Variants in IKBKB observed in about 807,000 individuals in gnomAD.
The protein encoded by IKBKB is inhibitor of nuclear factor kappa B kinase subunit beta.
In IKBKB, 42 loss-of-function variants were observed where a neutral mutation model predicts 113.6. The observed-to-expected ratio is 0.37, with a 90% CI of 0.29 to 0.48. IKBKB has a LOEUF of 0.48. IKBKB is among the 20% of genes least tolerant of loss of function. The pLI is 0.99. For synonymous variants in IKBKB, 296 were observed against 361.3 expected (o/e 0.82, Z 2.05); for missense variants, 673 against 939.7 (o/e 0.72, Z 3.71).
chr8:42,273,368 T>TCAC, intron 2 of IKBKB, among the ~76,000 whole-genome samples: 2 of 151,718 alleles, frequency 1.3e-5, no homozygotes, highest in Non-Finnish European at 2.9e-5. Context: ...TGAGCCGAGA[T>TCAC]AGTGTCACTG....
chr8:42,278,392 C>T (rs1585529878), intron 2 of IKBKB, among the ~76,000 whole-genome samples: 3 of 152,046 alleles, frequency 2.0e-5, no homozygotes, highest in Non-Finnish European at 4.4e-5. Context: ...TAGAGGGAGG[C>T]GCTGTGCCCA....
intron 16 of IKBKB, 32 bp downstream of exon 16, chr8:42,320,876 C>A: frequency 7.2e-7 from 1 of 1,392,834 alleles, no homozygotes; most frequent in Non-Finnish European, 9.9e-7. Context: ...CCTCTGTGCC[C>A]AGCACACACA....
At chr8:42,319,451 G>C (rs1363765252) in intron 14 of IKBKB, 30 bp downstream of exon 14, 2 of 1,613,614 alleles carry the variant, frequency 1.2e-6, no homozygotes, top group Non-Finnish European at 1.7e-6. Flanking sequence ...TGAGTTTAAA[G>C]ACACCATTTT....
At position 42,317,813 on chromosome 8, in the gene IKBKB, T is replaced by C. The variant is rs183057461; in HGVS notation, c.1240+42T>C. ...TTTTGTTTTTCTAAATAATCCGTTA[T>C]AATATGTGGGACAAGGCAGGGAAGG... On this transcript the variant is annotated intron_variant, in intron 12 of 21. Transcript: ENST00000520810. 2,428 of 1,401,398 alleles carry C rather than the reference T, an allele frequency of 1.7e-3. 5 individuals carry two copies. The highest frequency in any genetic ancestry group is 1.9e-3 in the Non-Finnish European group (1,915 of 986,356). 86.8% of individuals were successfully genotyped at this position (1,401,398 alleles called of 1,614,324 possible). A position where few individuals can be genotyped will look rare whatever the true frequency, so the allele number is the denominator to read the frequency against.
intron 2 of IKBKB, among the ~76,000 whole-genome samples, chr8:42,282,837 G>A (rs957461755): frequency 9.9e-5 from 15 of 152,190 alleles, no homozygotes; most frequent in Admixed American, 3.9e-4. Context: ...GAAAAACTGG[G>A]AATATTTCGG....
Position 42,319,408 on chromosome 8 carries a change from C to T in IKBKB, c.1503C>T (p.Thr501=), listed in dbSNP as rs199971674. Residue 501 remains threonine (T), a synonymous_variant, in exon 14 of 22, where the codon ACC becomes ACT. Coordinates refer to ENST00000520810, the MANE Select transcript of IKBKB (RefSeq NM_001556.3). ...ACCTGGAGAAGTACAGCGAGCAAAC[C>T]GAGTTTGGGATCAGTGAGTGTGCAC... ...QIDLEKYSEQ[T]EFGITSDKLL... 5.6e-6 allele frequency: 9 copies of T among 1,614,004 alleles called. No homozygotes were observed. The Admixed American group carries it at 1.3e-4, about 24-fold the overall frequency.
Position 42,306,288 on chromosome 8 carries a change from G to A in IKBKB, c.478-55G>A, listed in dbSNP as rs374479575. ...CTAACACCAGGCAGTCAGAATCCTC[G>A]TAGAAGGACATTGTGTTCTTATAAC... On this transcript the variant is annotated intron_variant, in intron 6 of 21. Coordinates refer to ENST00000520810, the MANE Select transcript of IKBKB (RefSeq NM_001556.3). The A allele has an allele frequency of 9.4e-4, 1,056 of 1,125,450 alleles. 8 individuals carry two copies. In the African/African-American group the frequency reaches 0.014, roughly 15 times the overall value. The allele number at this position is 1,125,450 out of a possible 1,614,324, so 69.7% of individuals were successfully genotyped here.
At chr8:42,304,461 G>A (rs936122733) in intron 5 of IKBKB, among the ~76,000 whole-genome samples, 4 of 152,236 alleles carry the variant, frequency 2.6e-5, no homozygotes, top group East Asian at 3.9e-4. Context: ...AAATGCTTCC[G>A]TAGCCAGTGT....
In IKBKB at chr8:42,317,686, T is replaced by C; in HGVS notation, c.1155T>C (p.Asp385=). The change falls in exon 12 of 22, where the codon GAT becomes GAC. Residue 385 remains aspartate (D), a synonymous_variant. Transcript: ENST00000520810. ...ATGAGGGCCACACATTGGACATGGA[T>C]CTTGTTTTTCTCTTTGACAACAGTA... ...KLNEGHTLDM[D]LVFLFDNSKI... is the part of the protein sequence containing the mutation. The C allele has an allele frequency of 6.2e-7, 1 of 1,613,920 alleles. No homozygotes were observed. Among genetic ancestry groups the C allele is most frequent in the Non-Finnish European group, 8.5e-7 (1 of 1,179,776 alleles).
intron 2 of IKBKB, among the ~76,000 whole-genome samples, chr8:42,286,957 G>A (rs1001688892): frequency 1.3e-5 from 2 of 152,214 alleles, no homozygotes; most frequent in Non-Finnish European, 1.5e-5. Flanking sequence ...AGGAGGTGCA[G>A]GATGTTGGTG....
intron 5 of IKBKB, chr8:42,298,251 T>C: frequency 3.0e-6 from 3 of 985,310 alleles, no homozygotes; most frequent in Non-Finnish European, 3.6e-6. Flanking sequence ...CGGGCCTGGG[T>C]CTTATCAGAT....
chr8:42,308,944 A>C lies in IKBKB; in HGVS notation c.611A>C (p.Asp204Ala). Reference sequence around the variant, plus strand: ...CAGCAGAAGTACACAGTGACCGTCGACTACTGGAGCTTCGGCACCCTGGCC... The same window carrying C: ...CAGCAGAAGTACACAGTGACCGTCGCCTACTGGAGCTTCGGCACCCTGGCC... ...LEQQKYTVTVDYWSFGTLAFE... is the reference protein window; with the variant it reads ...LEQQKYTVTVAYWSFGTLAFE... The change falls in exon 8 of 22, where the codon GAC becomes GCC. Residue 204 changes from aspartate (D) to alanine (A), a missense_variant. By Grantham distance (126) the Asp-to-Ala change is moderately radical. Around this residue, in one of 2 missense-constraint regions of IKBKB, gnomAD observed 167 missense variants for 301.0 expected, o/e 0.55. Coordinates refer to ENST00000520810, the MANE Select transcript of IKBKB (RefSeq NM_001556.3). The C allele has an allele frequency of 6.2e-7, 1 of 1,614,172 alleles. No individual in the cohort carries two copies. Among genetic ancestry groups the C allele is most frequent in the Non-Finnish European group, 8.5e-7 (1 of 1,180,008 alleles).
intron 21 of IKBKB, chr8:42,330,323 AG>A: frequency 1.0e-6 from 1 of 982,970 alleles, no homozygotes; most frequent in Non-Finnish European, 1.2e-6. Context: ...TATTAATAAA[AG>A]GGTTTGGCTT....
intron 7 of IKBKB, among the ~76,000 whole-genome samples, 197 bp from the exon 8 acceptor site, chr8:42,308,703 TG>T (rs1403422233): frequency 2.0e-5 from 3 of 152,072 alleles, no homozygotes; most frequent in Non-Finnish European, 4.4e-5. Flanking sequence ...CTGGAGTGAG[TG>T]GGACATAGAA....
chr8:42,275,068 G>C (rs1686177994), intron 2 of IKBKB, among the ~76,000 whole-genome samples: 1 of 151,890 alleles, frequency 6.6e-6, no homozygotes, highest in Admixed American at 6.6e-5. Flanking sequence ...GTAGAGACAG[G>C]GTTTTACCAT....
At chr8:42,300,653 GT>G (rs1814997815) in intron 5 of IKBKB, among the ~76,000 whole-genome samples, 1 of 152,176 alleles carries the variant, frequency 6.6e-6, no homozygotes, top group South Asian at 2.1e-4. Flanking sequence ...GCGTTCTTCA[GT>G]TATGTGTTTG....
At position 42,316,058 on chromosome 8, in the gene IKBKB, T is replaced by C. The variant is rs1457181778; in HGVS notation, c.801-152T>C. Reference sequence around the variant, plus strand: ...GAGAGAGGTGTGAACACCTGAATAATTGATTGGAAATGTTTATACTGTTTC... The same window carrying C: ...GAGAGAGGTGTGAACACCTGAATAACTGATTGGAAATGTTTATACTGTTTC... On this transcript the variant is annotated intron_variant, in intron 9 of 21. Coordinates refer to ENST00000520810, the MANE Select transcript of IKBKB (RefSeq NM_001556.3). This position sits in a 1 kb window ranked among gnomAD's most constrained non-coding sequence, Gnocchi z 4.5. 1 of 785,258 alleles carries C rather than the reference T, an allele frequency of 1.3e-6. No homozygotes were observed. Among genetic ancestry groups the C allele is most frequent in the African/African-American group, 1.7e-5 (1 of 57,188 alleles). The allele number at this position is 785,258 out of a possible 1,614,324, so 48.6% of individuals were successfully genotyped here.
intron 15 of IKBKB, 44 bp downstream of exon 15, chr8:42,319,690 GATT>G: frequency 6.8e-7 from 1 of 1,471,430 alleles, no homozygotes; most frequent in Non-Finnish European, 9.2e-7. Flanking sequence ...AAGGGGGTGA[GATT>G]TTGTGCTCCC....
intron 19 of IKBKB, among the ~76,000 whole-genome samples, chr8:42,322,716 G>A (rs1169251108): frequency 6.6e-6 from 1 of 152,210 alleles, no homozygotes; most frequent in Non-Finnish European, 1.5e-5. Context: ...TTACTTTCGT[G>A]TGGCTACTGT....
Sources: allele counts gnomAD v4.1 joint callset (sites outside exome capture counted in the v4.1 genomes callset), GRCh38; gene constraint gnomAD v4.1.1; regional missense constraint gnomAD v4.1.1; non-coding constraint Gnocchi (gnomAD v3.1); transcripts MANE v1.5; gene names NCBI Gene and HGNC (gene_info 2026-07-23, HGNC 2026-07-21).